The following ZNF577 variants were observed in gnomAD, a reference collection of about 807,000 sequenced individuals.
ZNF577 encodes zinc finger protein 577.
Under a neutral mutation model 13.9 loss-of-function variants are expected in ZNF577, and 14 were observed. That is an observed-to-expected ratio of 1.00 (90% CI 0.66 to 1.57). The LOEUF (loss-of-function observed/expected upper bound fraction) is 1.57, where lower values mean the gene tolerates loss of function less well. Ranked by LOEUF, ZNF577 falls within the 40% of genes most tolerant of loss-of-function variation. ZNF577 has a pLI of 0.00. For synonymous variants in ZNF577, 203 were observed against 202.9 expected (o/e 1.00, Z 0.00); for missense variants, 555 against 579.2 (o/e 0.96, Z 0.43).
At chr19:51,837,236 ATGTTGCT>A (rs1460534447) in intron 9 of ZNF577, among the ~76,000 whole-genome samples, 2 of 57,708 alleles carry the variant, frequency 3.5e-5, no homozygotes, top group Non-Finnish European at 6.9e-5. Flanking sequence ...CCTATCACCT[ATGTTGCT>A]ATCACCTATG....
At chr19:51,857,426 G>GAAAAAAGAA (rs374662736) in intron 5 of ZNF577, among the ~76,000 whole-genome samples, 31 of 96,812 alleles carry the variant, frequency 3.2e-4, no homozygotes, top group African/African-American at 1.5e-3. Flanking sequence ...AAGAAAGAAA[G>GAAAAAAGAA]AAAAGAAAAA....
At chr19:51,858,571 G>C (rs2084462800) in intron 5 of ZNF577, among the ~76,000 whole-genome samples, 1 of 152,088 alleles carries the variant, frequency 6.6e-6, no homozygotes, top group African/African-American at 2.4e-5. Flanking sequence ...AACAAAATGG[G>C]GAAGGGGCAA....
At chr19:51,831,614 GT>G (rs149685495) in intron 9 of ZNF577, among the ~76,000 whole-genome samples, 17 of 150,090 alleles carry the variant, frequency 1.1e-4, no homozygotes, top group South Asian at 4.2e-4. Flanking sequence ...AGCAGCCAAA[GT>G]TTTTTTTTTC....
In ZNF577 at chr19:51,871,565, C is replaced by T. The variant is rs2084660371; in HGVS notation, c.*967G>A. On this transcript the variant is annotated 3_prime_UTR_variant, in exon 6 of 6. Transcript: ENST00000638348. Reference sequence around the variant, plus strand: ...TAACATTTCAAGAGCATCTATAATGCTCACATATAACAATCATAGCATAAG... The same window carrying T: ...TAACATTTCAAGAGCATCTATAATGTTCACATATAACAATCATAGCATAAG... 1 of 152,108 alleles carries T rather than the reference C, an allele frequency of 6.6e-6. No homozygotes were observed. Among genetic ancestry groups the T allele is most frequent in the Non-Finnish European group, 1.5e-5 (1 of 68,022 alleles). 9.4% of individuals were successfully genotyped at this position (152,108 alleles called of 1,614,324 possible). A position where few individuals can be genotyped will look rare whatever the true frequency, so the allele number is the denominator to read the frequency against.
intron 5 of ZNF577, among the ~76,000 whole-genome samples, chr19:51,850,190 G>T (rs1325224770): frequency 6.6e-6 from 1 of 152,164 alleles, no homozygotes; most frequent in African/African-American, 2.4e-5. Flanking sequence ...CTAAGCCTCT[G>T]AAATTTCCTG....
At chr19:51,878,246 A>G in intron 4 of ZNF577, 143 bp downstream of exon 4, 1 of 915,416 alleles carries the variant, frequency 1.1e-6, no homozygotes, top group Non-Finnish European at 1.5e-6. Flanking sequence ...TTAAGACGGT[A>G]AATTTTATGT....
At position 51,878,380 on chromosome 19, in the gene ZNF577, T is replaced by C; in HGVS notation, c.187+9A>G. On this transcript the variant is annotated intron_variant, in intron 4 of 5. Transcript: ENST00000638348. Reference sequence around the variant, plus strand: ...AAGAAAAGGTAAGTGACGGCAATGCTGTCCTTACCTATTGATACTAGGTTG... The same window carrying C: ...AAGAAAAGGTAAGTGACGGCAATGCCGTCCTTACCTATTGATACTAGGTTG... 4 of 1,613,176 alleles carry C rather than the reference T, an allele frequency of 2.5e-6. No homozygotes were observed. Among genetic ancestry groups the C allele is most frequent in the Non-Finnish European group, 3.4e-6 (4 of 1,179,324 alleles).
intron 5 of ZNF577, among the ~76,000 whole-genome samples, chr19:51,849,999 T>C (rs563987078): frequency 2.0e-5 from 3 of 152,332 alleles, no homozygotes; most frequent in Admixed American, 6.5e-5. Flanking sequence ...AATAACACTA[T>C]GGAAAAGACA....
At chr19:51,884,645 A>T (rs1485057739) in intron 1 of ZNF577, among the ~76,000 whole-genome samples, 6 of 139,360 alleles carry the variant, frequency 4.3e-5, no homozygotes, top group Non-Finnish European at 7.6e-5. Flanking sequence ...TCAATAGAAT[A>T]AAAAAAAAAA....
At chr19:51,814,373 G>A (rs1218677862) in intron 9 of ZNF577, among the ~76,000 whole-genome samples, 1 of 152,234 alleles carries the variant, frequency 6.6e-6, no homozygotes, top group Non-Finnish European at 1.5e-5. Context: ...CTGCGTTGCA[G>A]GTCCCACAAA....
At chr19:51,849,290 G>C (rs1358527639) in intron 5 of ZNF577, among the ~76,000 whole-genome samples, 1 of 152,192 alleles carries the variant, frequency 6.6e-6, no homozygotes, top group African/African-American at 2.4e-5. Context: ...GGGTTAACCT[G>C]TCTGCAGGAT....
chr19:51,808,505 T>C (rs2084075516), intron 10 of ZNF577, among the ~76,000 whole-genome samples: 1 of 152,232 alleles, frequency 6.6e-6, no homozygotes, highest in Non-Finnish European at 1.5e-5. Context: ...GCTTCTTTAA[T>C]GCCTGTCCTA....
At chr19:51,817,731 T>A (rs1010744547) in intron 9 of ZNF577, 1 of 152,194 alleles carries the variant, frequency 6.6e-6, no homozygotes, top group African/African-American at 2.4e-5. Context: ...CAATAAAAAC[T>A]TTACACTAAA....
Position 51,867,642 on chromosome 19 carries a change from G to A in ZNF577, c.*4890C>T, listed in dbSNP as rs1171836493. 1.3e-5 allele frequency among the ~76,000 whole-genome samples: 2 copies of A among 151,062 alleles called. No homozygotes were observed. Among genetic ancestry groups the A allele is most frequent in the East Asian group, 1.9e-4 (1 of 5,178 alleles). On this transcript the variant is annotated 3_prime_UTR_variant, in exon 6 of 6. Transcript: ENST00000638348. The stretch of plus-strand genomic sequence containing the variant: ...ACAAAAAAAAAAAAAAAAATTAGCC[G>A]GGTGTGGTGGCAGGCACCTGTAATC...
chr19:51,840,348 T>G (rs1158704096), intron 8 of ZNF577, among the ~76,000 whole-genome samples: 4 of 152,134 alleles, frequency 2.6e-5, no homozygotes, highest in Non-Finnish European at 1.5e-5. Flanking sequence ...CAGCCATATT[T>G]GAAAAAGTTT....
At chr19:51,861,287 G>GTTT (rs557987704) in intron 5 of ZNF577, 9 of 146,406 alleles carry the variant, frequency 6.1e-5, no homozygotes, top group South Asian at 3.1e-4. Flanking sequence ...CTGGCTATTT[G>GTTT]TTTTTTTTTT....
chr19:51,841,157 G>A (rs191850159), intron 8 of ZNF577, among the ~76,000 whole-genome samples: 3 of 152,318 alleles, frequency 2.0e-5, no homozygotes, highest in Non-Finnish European at 4.4e-5. Context: ...GGGAGAAAGT[G>A]CAAGGAACAC....
At position 51,872,299 on chromosome 19, in the gene ZNF577, G is replaced by A. The variant is rs950666430; in HGVS notation, c.*233C>T. 1 of 401,920 alleles carries A rather than the reference G, an allele frequency of 2.5e-6. No homozygotes were observed. The highest frequency in any genetic ancestry group is 2.1e-5 in the African/African-American group (1 of 48,568). The allele number at this position is 401,920 out of a possible 1,614,324, so 24.9% of individuals were successfully genotyped here. A position where few individuals can be genotyped will look rare whatever the true frequency, so the allele number is the denominator to read the frequency against. Reference sequence around the variant, plus strand: ...ATCACAATCTTTCATAAATATTCCTGTAAGAATTCTTTTGATACCAATTGA... The same window carrying A: ...ATCACAATCTTTCATAAATATTCCTATAAGAATTCTTTTGATACCAATTGA... On this transcript the variant is annotated 3_prime_UTR_variant, in exon 6 of 6. Transcript: ENST00000638348.
chr19:51,829,595 C>T (rs932161420), intron 9 of ZNF577, among the ~76,000 whole-genome samples: 6 of 152,244 alleles, frequency 3.9e-5, no homozygotes, highest in Admixed American at 2.6e-4. Context: ...CCATCCTGAC[C>T]GATCTCCTAC....
Sources: allele counts gnomAD v4.1 joint callset (sites outside exome capture counted in the v4.1 genomes callset), GRCh38; gene constraint gnomAD v4.1.1; transcripts MANE v1.5; gene names NCBI Gene and HGNC (gene_info 2026-07-23, HGNC 2026-07-21).